The following MAP4K5 variants were observed in gnomAD, a reference collection of about 807,000 sequenced individuals.
MAP4K5 encodes mitogen-activated protein kinase kinase kinase kinase 5.
A neutral mutation model predicts 135.6 loss-of-function variants in MAP4K5; 82 were observed. The ratio of observed to expected loss-of-function variants is 0.60; its 90% confidence interval spans 0.51 to 0.73. MAP4K5 has a LOEUF of 0.73. Among genes scored for constraint, MAP4K5 ranks in the 30% least tolerant of loss-of-function variants. The pLI, the probability that MAP4K5 is intolerant of heterozygous loss-of-function variation, is 0.00. For missense variants in MAP4K5, 907 were observed against 1,010.9 expected, an observed-to-expected ratio of 0.90 and a Z score of 1.39; for synonymous variants, 347 against 335.0, an observed-to-expected ratio of 1.04 and a Z score of -0.39.
At chr14:50,473,641 G>A (rs996578545) in intron 9 of MAP4K5, among the ~76,000 whole-genome samples, 3 of 150,908 alleles carry the variant, frequency 2.0e-5, no homozygotes, top group African/African-American at 7.3e-5. Context: ...TTCCTTTTAA[G>A]GTTTTATTCT....
At chr14:50,557,220 ACTGTT>A (rs1399772933) in intron 1 of MAP4K5, among the ~76,000 whole-genome samples, 1 of 152,242 alleles carries the variant, frequency 6.6e-6, no homozygotes, top group Non-Finnish European at 1.5e-5. Context: ...GTGAAACATT[ACTGTT>A]CTAAGACTCA....
chr14:50,511,644 G>A (rs1415719162), intron 2 of MAP4K5, among the ~76,000 whole-genome samples: 3 of 151,974 alleles, frequency 2.0e-5, no homozygotes, highest in East Asian at 1.9e-4. Context: ...TTTATGTATC[G>A]AAACATCACT....
chr14:50,445,498 A>C (rs2036326422), intron 17 of MAP4K5, among the ~76,000 whole-genome samples: 1 of 152,202 alleles, frequency 6.6e-6, no homozygotes, highest in African/African-American at 2.4e-5. Context: ...AGAATGATAA[A>C]TGATGAACTG....
At chr14:50,516,549 T>C (rs1470310452) in intron 2 of MAP4K5, among the ~76,000 whole-genome samples, 1 of 152,180 alleles carries the variant, frequency 6.6e-6, no homozygotes, top group Non-Finnish European at 1.5e-5. Flanking sequence ...GCCACACTTA[T>C]GGAATAGTGA....
intron 3 of MAP4K5, among the ~76,000 whole-genome samples, chr14:50,499,742 C>T (rs1261688376): frequency 1.3e-5 from 2 of 150,042 alleles, no homozygotes; most frequent in Non-Finnish European, 3.0e-5. Flanking sequence ...AATCTTAAAA[C>T]AAAGTTTCTT....
At chr14:50,559,936 G>A (rs2038813969) in intron 1 of MAP4K5, 1 of 414,848 alleles carries the variant, frequency 2.4e-6, no homozygotes, top group South Asian at 2.8e-5. Flanking sequence ...TGTTCGAGGG[G>A]GGTGCTGTTT....
chr14:50,456,856 C>T (rs1274424567), intron 13 of MAP4K5: 2 of 323,956 alleles, frequency 6.2e-6, no homozygotes, highest in Non-Finnish European at 1.1e-5. Context: ...AGATAAGACA[C>T]ACAAATACAG....
At chr14:50,536,466 A>G (rs1313717804), upstream of MAP4K5, among the ~76,000 whole-genome samples, 1 of 150,440 alleles carries the variant, frequency 6.6e-6, no homozygotes, top group African/African-American at 2.4e-5. Context: ...AATTGTTACC[A>G]GTAGAGTGAG....
chr14:50,450,169 G>A (rs1001067030), intron 14 of MAP4K5: 7 of 152,088 alleles, frequency 4.6e-5, no homozygotes, highest in Admixed American at 1.3e-4. Context: ...GACATCAGGA[G>A]TTCCTGACCC....
chr14:50,511,068 A>G (rs2037921276), intron 2 of MAP4K5, among the ~76,000 whole-genome samples: 1 of 152,260 alleles, frequency 6.6e-6, no homozygotes, highest in African/African-American at 2.4e-5. Context: ...GTCCTCCAAT[A>G]GGTGAATACA....
intron 13 of MAP4K5, among the ~76,000 whole-genome samples, chr14:50,457,762 T>C (rs951648847): frequency 6.6e-6 from 1 of 152,216 alleles, no homozygotes; most frequent in South Asian, 2.1e-4. Context: ...ATAACACTTG[T>C]TCAATGTTCC....
intron 16 of MAP4K5, 55 bp from the exon 17 acceptor site, chr14:50,446,176 C>T: frequency 9.6e-7 from 1 of 1,043,888 alleles, no homozygotes; most frequent in Non-Finnish European, 1.4e-6. Context: ...TAACCGAAAA[C>T]ACAGATACTA....
chr14:50,434,362 C>A, intron 28 of MAP4K5, 32 bp downstream of exon 28: 2 of 1,536,794 alleles, frequency 1.3e-6, no homozygotes, highest in Non-Finnish European at 1.8e-6. Flanking sequence ...GCAAAAATAT[C>A]AATATTCTAA....
intron 3 of MAP4K5, among the ~76,000 whole-genome samples, chr14:50,493,703 G>T (rs989050181): frequency 1.3e-5 from 2 of 152,012 alleles, no homozygotes; most frequent in African/African-American, 4.8e-5. Flanking sequence ...ATTTACAATA[G>T]CATCAAAAAT....
At chr14:50,518,718 A>AT (rs2140080436) in intron 2 of MAP4K5, among the ~76,000 whole-genome samples, 1 of 152,318 alleles carries the variant, frequency 6.6e-6, no homozygotes, top group South Asian at 2.1e-4. Flanking sequence ...TAGGATACTC[A>AT]TCTGTCTCTG....
At chr14:50,427,392 G>A (rs2035870065) in intron 30 of MAP4K5, among the ~76,000 whole-genome samples, 2 of 152,094 alleles carry the variant, frequency 1.3e-5, no homozygotes, top group Admixed American at 1.3e-4. Context: ...TAGGTTTTCT[G>A]CTTTAATAAA....
chr14:50,541,155 C>T (rs2038555461), intron 2 of MAP4K5, among the ~76,000 whole-genome samples: 1 of 152,204 alleles, frequency 6.6e-6, no homozygotes, highest in Non-Finnish European at 1.5e-5. Flanking sequence ...AGTTTGCTTT[C>T]ACATGATTGC....
At position 50,468,470 on chromosome 14, in the gene MAP4K5, G is replaced by C. The variant is rs1444768108; in HGVS notation, c.674+181C>G. On this transcript the variant is annotated intron_variant, in intron 10 of 32. Coordinates refer to ENST00000682126, the MANE Select transcript of MAP4K5 (RefSeq NM_006575.6). Reference sequence around the variant, plus strand: ...AGCTTGATCTGTAATTGTGAAAAATGAATTGAGGTAACTACCTTCGGACTA... The same window carrying C: ...AGCTTGATCTGTAATTGTGAAAAATCAATTGAGGTAACTACCTTCGGACTA... The C allele has an allele frequency of 5.2e-6, 3 of 573,994 alleles. No individual in the cohort carries two copies. The East Asian group carries it at 8.6e-5, about 16-fold the overall frequency. The allele number at this position is 573,994 out of a possible 1,614,324, so 35.6% of individuals were successfully genotyped here. A position where few individuals can be genotyped will look rare whatever the true frequency, so the allele number is the denominator to read the frequency against.
intron 2 of MAP4K5, among the ~76,000 whole-genome samples, chr14:50,513,679 T>G (rs1243674724): frequency 6.6e-6 from 1 of 152,132 alleles, no homozygotes; most frequent in Non-Finnish European, 1.5e-5. Context: ...AGCTCCTGTA[T>G]TTCTCTGTTC....
Sources: gnomAD v4.1 joint callset for allele counts (sites outside exome capture counted in the v4.1 genomes callset) on GRCh38, gnomAD v4.1.1 for gene constraint, MANE v1.5 for transcripts, NCBI Gene and HGNC (gene_info 2026-07-23, HGNC 2026-07-21) for gene names.